RBFOX1: variants seen among roughly 807,000 people sequenced by gnomAD.
The protein encoded by RBFOX1 is RNA binding protein fox-1 homolog 1.
In RBFOX1, 8 loss-of-function variants were observed where a neutral mutation model predicts 57.7. The ratio of observed to expected loss-of-function variants is 0.14; its 90% CI spans 0.08 to 0.25. RBFOX1 has a LOEUF of 0.25. RBFOX1 is among the 10% of genes least tolerant of loss of function. The probability of loss-of-function intolerance (pLI) is 1.00; values close to 1 mark genes in which losing one functional copy is unlikely to be tolerated. For synonymous variants in RBFOX1, 326 were observed against 222.4 expected (o/e 1.47, Z -4.15); for missense variants, 611 against 548.5 (o/e 1.11, Z -1.14).
At chr16:6,982,291 A>C (rs1048307102) in intron 3 of RBFOX1, among the ~76,000 whole-genome samples, 1 of 152,188 alleles carries the variant, frequency 6.6e-6, no homozygotes, top group Non-Finnish European at 1.5e-5. Context: ...AGATTGACCT[A>C]CATTATTCCA....
rs12932288 is a variant in RBFOX1, at chr16:5,653,402, G to A, written c.318+54441G>A. ...CTATATGCGGAAGGTGGGGTGCTGA[G>A]CCGTGTGCTGGGTTTCTTTGAGGCA... is the stretch of plus-strand genomic sequence containing the variant. On this transcript the variant is annotated intron_variant, in intron 3 of 19. Coordinates refer to the RBFOX1 transcript ENST00000641259. 6.3e-3 allele frequency among the ~76,000 whole-genome samples: 869 copies of A among 138,738 alleles called. 93 individuals are homozygous for A. The highest frequency in any genetic ancestry group is 0.026 in the African/African-American group (827 of 31,286). 91.0% of individuals were successfully genotyped at this position (138,738 alleles called of 152,430 possible). A position where few individuals can be genotyped will look rare whatever the true frequency, so the allele number is the denominator to read the frequency against.
At chr16:6,919,887 G>C (rs1448017101) in intron 3 of RBFOX1, among the ~76,000 whole-genome samples, 1 of 150,598 alleles carries the variant, frequency 6.6e-6, no homozygotes, top group East Asian at 2.0e-4. Flanking sequence ...CCCATCACCT[G>C]AGCAGTGTAC....
At chr16:6,790,275 C>G (rs1012006937) in intron 3 of RBFOX1, among the ~76,000 whole-genome samples, 8 of 151,678 alleles carry the variant, frequency 5.3e-5, no homozygotes, top group African/African-American at 1.9e-4. Context: ...ACCTCTGCCT[C>G]CAGGGTTCCA....
chr16:7,522,209 T>C (rs1381111998), intron 5 of RBFOX1, among the ~76,000 whole-genome samples: 2 of 152,208 alleles, frequency 1.3e-5, no homozygotes, highest in Non-Finnish European at 2.9e-5. Context: ...TTGTCCGAGC[T>C]AAAGGTAGCA....
chr16:6,939,612 C>T lies in RBFOX1; in HGVS notation c.-15-112445C>T, dbSNP rs527940609. Reference sequence around the variant, plus strand: ...CTGCAACCTCTCCCTCCCAAGTTCACTTGATTCTCATGCCTCAACCACCTG... The same window carrying T: ...CTGCAACCTCTCCCTCCCAAGTTCATTTGATTCTCATGCCTCAACCACCTG... On this transcript the variant is annotated intron_variant, in intron 3 of 15. Coordinates refer to ENST00000550418, the MANE Select transcript of RBFOX1 (RefSeq NM_018723.4). Among the ~76,000 whole-genome samples, 11 of 151,286 alleles carry T rather than the reference C, an allele frequency of 7.3e-5. No homozygotes were observed. In the South Asian group the frequency reaches 2.3e-3, roughly 32 times the overall value.
Position 6,795,445 on chromosome 16 carries a change from A to C in RBFOX1, c.-16+140795A>C, listed in dbSNP as rs530277985. Among the ~76,000 whole-genome samples the C allele has an allele frequency of 1.5e-4, 23 of 152,212 alleles. No homozygotes were observed. The East Asian group carries it at 4.3e-3, about 28-fold the overall frequency. The stretch of plus-strand genomic sequence containing the variant: ...AATTAATTCCCATTTTTTTTAAGTT[A>C]CGTCTTTATCAAATGTTGATGCTTA... On this transcript the variant is annotated intron_variant, in intron 3 of 15. Coordinates refer to ENST00000550418, the MANE Select transcript of RBFOX1 (RefSeq NM_018723.4).
chr16:5,823,968 C>G (rs1336577355), intron 3 of RBFOX1, among the ~76,000 whole-genome samples: 1 of 152,122 alleles, frequency 6.6e-6, no homozygotes, highest in Non-Finnish European at 1.5e-5. Context: ...TGAAACCAGT[C>G]CCTGGTGCCA....
chr16:6,065,584 C>T (rs1350998669), intron 1 of RBFOX1, among the ~76,000 whole-genome samples: 1 of 152,158 alleles, frequency 6.6e-6, no homozygotes, highest in Non-Finnish European at 1.5e-5. Flanking sequence ...GGTTTCTTAG[C>T]AGATACAGAA....
chr16:5,769,530 G>A lies in RBFOX1; in HGVS notation c.319-97773G>A, dbSNP rs548079298. Among the ~76,000 whole-genome samples the A allele has an allele frequency of 1.8e-4, 27 of 151,962 alleles. No individual in the cohort carries two copies. The South Asian group carries it at 5.0e-3, about 28-fold the overall frequency. On this transcript the variant is annotated intron_variant, in intron 3 of 19. Coordinates refer to the RBFOX1 transcript ENST00000641259. Reference sequence around the variant, plus strand: ...TAGCTAGGTATGGTGGCAGGCACCTGTAATCCCATCTACTTGGGAGGCTGA... The same window carrying A: ...TAGCTAGGTATGGTGGCAGGCACCTATAATCCCATCTACTTGGGAGGCTGA...
At chr16:7,397,187 A>G (rs769367097) in intron 4 of RBFOX1, among the ~76,000 whole-genome samples, 6 of 152,224 alleles carry the variant, frequency 3.9e-5, no homozygotes, top group Non-Finnish European at 7.3e-5. Flanking sequence ...TTTATCTTCT[A>G]TCTCTGGTGC....
intron 2 of RBFOX1, among the ~76,000 whole-genome samples, chr16:6,461,380 G>A (rs150192615): frequency 6.6e-6 from 1 of 152,294 alleles, no homozygotes; most frequent in African/African-American, 2.4e-5. Context: ...GGCACATTCT[G>A]AGGTTTGAGG....
chr16:6,892,559 A>C (rs759645092), intron 3 of RBFOX1, among the ~76,000 whole-genome samples: 2 of 152,140 alleles, frequency 1.3e-5, no homozygotes, highest in African/African-American at 2.4e-5. Context: ...AATCTCTGCT[A>C]CTCAGGAGCC....
At chr16:7,228,028 A>G (rs2141898) in intron 4 of RBFOX1, among the ~76,000 whole-genome samples, 61,680 of 151,960 alleles carry the variant, frequency 0.41, 13,074 homozygotes, top group East Asian at 0.67. Flanking sequence ...GCACCCACCC[A>G]CCAGGTTGTG....
intron 3 of RBFOX1, among the ~76,000 whole-genome samples, chr16:6,766,597 G>A (rs1006984127): frequency 6.6e-6 from 1 of 151,620 alleles, no homozygotes; most frequent in Non-Finnish European, 1.5e-5. Flanking sequence ...TAGTCACATG[G>A]GACTTGTGAG....
intron 2 of RBFOX1, among the ~76,000 whole-genome samples, chr16:6,405,765 C>A (rs1272988654): frequency 1.3e-5 from 2 of 152,150 alleles, no homozygotes; most frequent in Admixed American, 6.5e-5. Flanking sequence ...AGCCACTTTA[C>A]ACATGGGCTA....
chr16:7,418,903 G>C (rs573767024), intron 4 of RBFOX1, among the ~76,000 whole-genome samples: 1 of 151,538 alleles, frequency 6.6e-6, no homozygotes, highest in African/African-American at 2.4e-5. Context: ...TGTTGTTTCT[G>C]TTTGTTTTGT....
chr16:7,034,633 G>T (rs1285947084), intron 3 of RBFOX1, among the ~76,000 whole-genome samples: 3 of 151,774 alleles, frequency 2.0e-5, no homozygotes, highest in Non-Finnish European at 4.4e-5. Flanking sequence ...TCTCATTGAA[G>T]ACACATCAGT....
At chr16:7,074,181 AC>A (rs1310878830) in intron 4 of RBFOX1, among the ~76,000 whole-genome samples, 1 of 152,208 alleles carries the variant, frequency 6.6e-6, no homozygotes, top group Non-Finnish European at 1.5e-5. Context: ...CTACAAGATG[AC>A]CCAAATGTTA....
At chr16:6,118,555 C>T (rs1276198489) in intron 1 of RBFOX1, among the ~76,000 whole-genome samples, 1 of 151,902 alleles carries the variant, frequency 6.6e-6, no homozygotes, top group Non-Finnish European at 1.5e-5. Flanking sequence ...TCCTTGTTCT[C>T]TTCCTTTCTC....
Sources: gnomAD v4.1 joint callset for allele counts (sites outside exome capture counted in the v4.1 genomes callset) on GRCh38, gnomAD v4.1.1 for gene constraint, MANE v1.5 for transcripts, NCBI Gene and HGNC (gene_info 2026-07-23, HGNC 2026-07-21) for gene names.